The following KLHL1 variants were observed in gnomAD, a reference collection of about 807,000 sequenced individuals.
The protein encoded by KLHL1 is kelch-like protein 1.
KLHL1 carries 47 observed loss-of-function variants against 77.7 expected under a neutral mutation model. The ratio of observed to expected loss-of-function variants is 0.60; its 90% confidence interval spans 0.48 to 0.77. KLHL1 has a LOEUF of 0.77. Among genes scored for constraint, KLHL1 ranks in the 30% least tolerant of loss-of-function variants. The pLI, the probability that KLHL1 is intolerant of heterozygous loss-of-function variation, is 0.00. For synonymous variants in KLHL1, 360 were observed against 325.2 expected (o/e 1.11, Z -1.15); for missense variants, 925 against 910.8 (o/e 1.02, Z -0.20).
At chr13:70,032,838 T>C (rs1886136916) in intron 1 of KLHL1, among the ~76,000 whole-genome samples, 1 of 152,186 alleles carries the variant, frequency 6.6e-6, no homozygotes, top group Non-Finnish European at 1.5e-5. Context: ...TTTAGATCTT[T>C]TTAAGGTTAC....
intron 7 of KLHL1, among the ~76,000 whole-genome samples, chr13:69,753,651 T>C (rs1874581423): frequency 6.6e-6 from 1 of 152,312 alleles, no homozygotes; most frequent in African/African-American, 2.4e-5. Flanking sequence ...TAAGCTATTC[T>C]ATTCAATCAT....
chr13:69,949,585 TC>T (rs961158427), intron 3 of KLHL1, among the ~76,000 whole-genome samples: 30 of 151,814 alleles, frequency 2.0e-4, no homozygotes, highest in African/African-American at 7.2e-4. Flanking sequence ...TGGAAGAAAG[TC>T]CCTATGCACA....
At chr13:70,030,867 A>G (rs1886079524) in intron 1 of KLHL1, among the ~76,000 whole-genome samples, 1 of 152,322 alleles carries the variant, frequency 6.6e-6, no homozygotes, top group Admixed American at 6.5e-5. Context: ...AAAGAAGAAA[A>G]GAGAGAAGAA....
intron 7 of KLHL1, among the ~76,000 whole-genome samples, chr13:69,755,374 GC>G (rs1293068249): frequency 6.6e-6 from 1 of 151,918 alleles, no homozygotes; most frequent in African/African-American, 2.4e-5. Context: ...TTCCTGTACA[GC>G]CTGCAGAACC....
intron 2 of KLHL1, among the ~76,000 whole-genome samples, chr13:69,974,101 A>G (rs1884473828): frequency 6.6e-6 from 1 of 152,036 alleles, no homozygotes; most frequent in African/African-American, 2.4e-5. Flanking sequence ...TAAACTCTTT[A>G]AAATAGTAAT....
intron 10 of KLHL1, 105 bp from the exon 11 acceptor site, chr13:69,701,866 G>A: frequency 1.2e-6 from 1 of 825,162 alleles, no homozygotes; most frequent in Non-Finnish European, 1.8e-6. Flanking sequence ...AAATGTGCTT[G>A]TTTTCCCATT....
chr13:69,710,289 A>G (rs894423192), intron 9 of KLHL1, among the ~76,000 whole-genome samples: 2 of 151,972 alleles, frequency 1.3e-5, no homozygotes, highest in East Asian at 3.9e-4. Flanking sequence ...ATATACATAT[A>G]TATTTTAAAT....
rs1312354479 is a variant in KLHL1, at chr13:69,760,243, G to A, written c.1640-19687C>T. Among the ~76,000 whole-genome samples the A allele has an allele frequency of 2.0e-5, 3 of 152,184 alleles. No individual in the cohort carries two copies. In the East Asian group the frequency reaches 5.8e-4, roughly 29 times the overall value. ...GTATGGATAACTGAAAAAGAAACCAGGGATTGAGAGCCTCAGCTGAGGACC... is the reference window on the plus strand; with the variant it reads ...GTATGGATAACTGAAAAAGAAACCAAGGATTGAGAGCCTCAGCTGAGGACC... On this transcript the variant is annotated intron_variant, in intron 7 of 10. Coordinates refer to ENST00000377844, the MANE Select transcript of KLHL1 (RefSeq NM_020866.3).
intron 7 of KLHL1, among the ~76,000 whole-genome samples, chr13:69,794,179 A>G (rs541025949): frequency 6.6e-6 from 1 of 152,208 alleles, no homozygotes; most frequent in Admixed American, 6.6e-5. Flanking sequence ...AATGGAAGTA[A>G]ATAGATGCAA....
intron 8 of KLHL1, among the ~76,000 whole-genome samples, chr13:69,721,783 G>A (rs1482146117): frequency 6.6e-6 from 1 of 151,986 alleles, no homozygotes; most frequent in Non-Finnish European, 1.5e-5. Context: ...TTCCCTTGAT[G>A]CGTGTAATAC....
intron 4 of KLHL1, among the ~76,000 whole-genome samples, chr13:69,884,121 G>A (rs1881107073): frequency 6.6e-6 from 1 of 152,122 alleles, no homozygotes; most frequent in Non-Finnish European, 1.5e-5. Context: ...GAGAAACCTG[G>A]TCTGTGTTAC....
chr13:69,829,052 C>T (rs1201582642), intron 6 of KLHL1, among the ~76,000 whole-genome samples: 1 of 150,464 alleles, frequency 6.6e-6, no homozygotes, highest in Non-Finnish European at 1.5e-5. Context: ...TATACTTATC[C>T]AAGAAATCTT....
chr13:70,007,254 A>G (rs1173177871), intron 1 of KLHL1, among the ~76,000 whole-genome samples: 1 of 152,056 alleles, frequency 6.6e-6, no homozygotes, highest in Admixed American at 6.6e-5. Flanking sequence ...TTTACTTTTA[A>G]GACTCACAAC....
At chr13:69,794,653 A>G (rs1305981118) in intron 7 of KLHL1, among the ~76,000 whole-genome samples, 1 of 152,072 alleles carries the variant, frequency 6.6e-6, no homozygotes, top group Non-Finnish European at 1.5e-5. Flanking sequence ...TTGAAATAGG[A>G]ACAGTACGTA....
chr13:69,868,048 T>G (rs73508456), intron 5 of KLHL1, among the ~76,000 whole-genome samples: 32,718 of 152,094 alleles, frequency 0.22, 5,669 homozygotes, highest in African/African-American at 0.48. Flanking sequence ...CAAATTTAAA[T>G]AATTTTGGAA....
intron 5 of KLHL1, among the ~76,000 whole-genome samples, chr13:69,855,209 TAG>T (rs1221450881): frequency 4.6e-5 from 7 of 151,954 alleles, no homozygotes; most frequent in Non-Finnish European, 7.4e-5. Context: ...GTCTACTAGT[TAG>T]AGTGTAGAAA....
chr13:69,908,223 C>A (rs1882106012), intron 4 of KLHL1, among the ~76,000 whole-genome samples: 1 of 151,358 alleles, frequency 6.6e-6, no homozygotes, highest in African/African-American at 2.4e-5. Flanking sequence ...GACGCCAGAA[C>A]CATGGGGGTT....
intron 5 of KLHL1, among the ~76,000 whole-genome samples, chr13:69,855,901 A>T (rs1364671067): frequency 7.3e-6 from 1 of 137,378 alleles, no homozygotes; most frequent in African/African-American, 2.7e-5. Context: ...TACATGTTTT[A>T]TATATATTAT....
intron 7 of KLHL1, among the ~76,000 whole-genome samples, chr13:69,765,818 G>A (rs1566227598): frequency 6.6e-6 from 1 of 152,208 alleles, no homozygotes; most frequent in Non-Finnish European, 1.5e-5. Flanking sequence ...GAAGGAAGAA[G>A]CGAGAAGACC....
Sources: allele counts gnomAD v4.1 joint callset (sites outside exome capture counted in the v4.1 genomes callset), GRCh38; gene constraint gnomAD v4.1.1; transcripts MANE v1.5; gene names NCBI Gene and HGNC (gene_info 2026-07-23, HGNC 2026-07-21).